The following BNIP5 variants were observed in gnomAD, a reference collection of about 807,000 sequenced individuals.
BNIP5 encodes protein BNIP5.
Under a neutral mutation model 67.3 loss-of-function variants are expected in BNIP5, and 61 were observed. That is an observed-to-expected ratio of 0.91 (90% CI 0.74 to 1.12). The LOEUF (loss-of-function observed/expected upper bound fraction) is 1.12. Ranked by LOEUF, BNIP5 falls within the 50% of genes most tolerant of loss-of-function variation. The pLI, the probability that BNIP5 is intolerant of heterozygous loss-of-function variation, is 0.00. For synonymous variants in BNIP5, 317 were observed against 319.0 expected (o/e 0.99, Z 0.07); for missense variants, 826 against 816.3 (o/e 1.01, Z -0.14).
intron 6 of BNIP5, 143 bp downstream of exon 6, chr6:36,325,140 C>A: frequency 1.1e-6 from 1 of 886,906 alleles, no homozygotes; most frequent in East Asian, 2.5e-5. Flanking sequence ...CTCTGGGCCC[C>A]AAGCTGCCTC....
intron 5 of BNIP5, among the ~76,000 whole-genome samples, chr6:36,325,666 C>T (rs1427316691): frequency 6.6e-6 from 1 of 152,158 alleles, no homozygotes; most frequent in East Asian, 1.9e-4. Context: ...ACCATTTTGA[C>T]TTGATCCACA....
At chr6:36,329,895 GGA>G (rs1333674972) in intron 2 of BNIP5, among the ~76,000 whole-genome samples, 184 bp downstream of exon 2, 1 of 150,816 alleles carries the variant, frequency 6.6e-6, no homozygotes, top group African/African-American at 2.4e-5. Context: ...AGGAGGAGGA[GGA>G]GAGGAAGGAA....
At chr6:36,333,650 G>A (rs568873292) in intron 1 of BNIP5, among the ~76,000 whole-genome samples, 3 of 152,198 alleles carry the variant, frequency 2.0e-5, no homozygotes, top group Non-Finnish European at 4.4e-5. Flanking sequence ...CTCTGAATGC[G>A]CAGGAATAAG....
intron 4 of BNIP5, 95 bp downstream of exon 4, chr6:36,326,935 A>T: frequency 7.1e-7 from 1 of 1,406,926 alleles, no homozygotes; most frequent in Non-Finnish European, 1.0e-6. Context: ...GAAGGAATGG[A>T]CTAGAGCCCG....
chr6:36,316,773 T>C lies in BNIP5; in HGVS notation c.*583A>G, dbSNP rs1445145529. The C allele has an allele frequency of 2.5e-6, 1 of 399,386 alleles. No homozygotes were observed. Among genetic ancestry groups the C allele is most frequent in the East Asian group, 3.6e-5 (1 of 28,098 alleles). 24.7% of individuals were successfully genotyped at this position (399,386 alleles called of 1,614,324 possible). A position where few individuals can be genotyped will look rare whatever the true frequency, so the allele number is the denominator to read the frequency against. ...ATGACAGGACACAGGGTTAGAAGGA[T>C]TCTGAGAGACCAAGTGTCCCCAGTC... is the stretch of plus-strand genomic sequence containing the variant. On this transcript the variant is annotated 3_prime_UTR_variant, in exon 12 of 12. Transcript: ENST00000437635.
At chr6:36,336,263 A>T (rs148347780) in intron 1 of BNIP5, among the ~76,000 whole-genome samples, 13 of 152,334 alleles carry the variant, frequency 8.5e-5, no homozygotes, top group African/African-American at 2.4e-4. Context: ...CCTCTCATTT[A>T]TCAGGGGGTT....
At chr6:36,320,437 T>C (rs1666886085) in intron 10 of BNIP5, among the ~76,000 whole-genome samples, 1 of 152,170 alleles carries the variant, frequency 6.6e-6, no homozygotes, top group African/African-American at 2.4e-5. Context: ...GGGTTGCTCA[T>C]GGGGAAGTGG....
In BNIP5 at chr6:36,316,927, T is replaced by C. The variant is rs1334823665; in HGVS notation, c.*429A>G. 1.5e-5 allele frequency: 6 copies of C among 413,656 alleles called. No homozygotes were observed. The highest frequency in any genetic ancestry group is 2.6e-5 in the Non-Finnish European group (6 of 235,128). The allele number at this position is 413,656 out of a possible 1,614,324, so 25.6% of individuals were successfully genotyped here. On this transcript the variant is annotated 3_prime_UTR_variant, in exon 12 of 12. Coordinates refer to ENST00000437635, the MANE Select transcript of BNIP5 (RefSeq NM_001010903.5). ...TTCGATGCATATCTGTTTGGATGCA[T>C]GTGGATGTTCTGTTTAGAGATTAAA...
chr6:36,327,649 A>C (rs1582131325), intron 3 of BNIP5, among the ~76,000 whole-genome samples: 1 of 152,260 alleles, frequency 6.6e-6, no homozygotes, highest in South Asian at 2.1e-4. Flanking sequence ...TGCCACGCTG[A>C]TGCCTCAGCC....
intron 11 of BNIP5, among the ~76,000 whole-genome samples, chr6:36,319,084 C>T (rs80160953): frequency 0.026 from 3,981 of 152,236 alleles, 76 homozygotes; most frequent in Non-Finnish European, 0.04. Context: ...TATCAAAAAG[C>T]ATGGAAATGT....
intron 7 of BNIP5, 81 bp from the exon 8 acceptor site, chr6:36,323,614 G>T: frequency 6.5e-7 from 1 of 1,536,416 alleles, no homozygotes; most frequent in Non-Finnish European, 8.9e-7. Flanking sequence ...GAGAGCCACG[G>T]TGGGCTAGCA....
intron 1 of BNIP5, among the ~76,000 whole-genome samples, chr6:36,332,795 G>T (rs559388477): frequency 6.6e-6 from 1 of 152,246 alleles, no homozygotes; most frequent in South Asian, 2.1e-4. Flanking sequence ...AAAACTCTTG[G>T]GGCTTTCCAA....
intron 8 of BNIP5, 150 bp from the exon 9 acceptor site, chr6:36,322,592 G>A (rs374461477): frequency 1.4e-5 from 11 of 798,370 alleles, no homozygotes; most frequent in African/African-American, 5.2e-5. Context: ...AGAGGAGTTC[G>A]TGGTGCACTC....
At chr6:36,322,038 T>C (rs576810071) in intron 9 of BNIP5, among the ~76,000 whole-genome samples, 3 of 152,188 alleles carry the variant, frequency 2.0e-5, no homozygotes, top group South Asian at 2.1e-4. Context: ...CGGAGCAAGC[T>C]AGGAATTTCA....
intron 1 of BNIP5, among the ~76,000 whole-genome samples, chr6:36,332,820 T>C (rs2127371849): frequency 6.6e-6 from 1 of 152,334 alleles, no homozygotes; most frequent in South Asian, 2.1e-4. Flanking sequence ...TCCAGAGTTG[T>C]TCAGAAGGCC....
chr6:36,317,629 T>G (rs1771549954), intron 11 of BNIP5, among the ~76,000 whole-genome samples: 1 of 152,214 alleles, frequency 6.6e-6, no homozygotes, highest in South Asian at 2.1e-4. Flanking sequence ...TCCCAGGACC[T>G]ACTTGCTTCA....
intron 2 of BNIP5, 41 bp from the exon 3 acceptor site, chr6:36,328,755 T>C (rs774580871): frequency 3.4e-6 from 4 of 1,176,154 alleles, no homozygotes; most frequent in Non-Finnish European, 5.1e-6. Context: ...TAGGTGTGTA[T>C]GTGCGTGTGT....
In BNIP5 at chr6:36,316,916, G is replaced by C; in HGVS notation, c.*440C>G. 1 of 410,510 alleles carries C rather than the reference G, an allele frequency of 2.4e-6. No homozygotes were observed. The highest frequency in any genetic ancestry group is 4.1e-5 in the Admixed American group (1 of 24,124). The allele number at this position is 410,510 out of a possible 1,614,324, so 25.4% of individuals were successfully genotyped here. ...ATGGGATACACTTCGATGCATATCT[G>C]TTTGGATGCATGTGGATGTTCTGTT... On this transcript the variant is annotated 3_prime_UTR_variant, in exon 12 of 12. Coordinates refer to ENST00000437635, the MANE Select transcript of BNIP5 (RefSeq NM_001010903.5).
intron 10 of BNIP5, among the ~76,000 whole-genome samples, chr6:36,319,822 A>G (rs933475162): frequency 7.9e-5 from 12 of 152,216 alleles, no homozygotes; most frequent in African/African-American, 2.4e-4. Flanking sequence ...GCAAGGGTGG[A>G]AGTACAGGTC....
Sources: gnomAD v4.1 joint callset for allele counts (sites outside exome capture counted in the v4.1 genomes callset) on GRCh38, gnomAD v4.1.1 for gene constraint, MANE v1.5 for transcripts, NCBI Gene and HGNC (gene_info 2026-07-23, HGNC 2026-07-21) for gene names.